ALK: variants seen among roughly 807,000 people sequenced by gnomAD.
ALK encodes the protein ALK tyrosine kinase receptor.
Under a neutral mutation model 163.1 loss-of-function variants are expected in ALK, and 74 were observed. The observed-to-expected ratio is 0.45, with a 90% CI of 0.38 to 0.55. The LOEUF is 0.55. Among genes scored for constraint, ALK ranks in the 20% least tolerant of loss-of-function variants. The pLI, the probability that ALK is intolerant of heterozygous loss-of-function variation, is 0.00. For missense variants in ALK, 2,063 were observed against 2,105.3 expected, an observed-to-expected ratio of 0.98 and a Z score of 0.39; for synonymous variants, 960 against 843.2, an observed-to-expected ratio of 1.14 and a Z score of -2.40.
intron 3 of ALK, among the ~76,000 whole-genome samples, chr2:29,677,967 A>G (rs1336428309): frequency 1.3e-5 from 2 of 152,056 alleles, no homozygotes; most frequent in Non-Finnish European, 2.9e-5. Context: ...TTTACTTGTT[A>G]TAAGTCTATT....
At chr2:29,918,096 C>T (rs966471741) in intron 1 of ALK, among the ~76,000 whole-genome samples, 1 of 152,164 alleles carries the variant, frequency 6.6e-6, no homozygotes, top group African/African-American at 2.4e-5. Context: ...GGAGTATATT[C>T]TTTAAATGAA....
At chr2:29,500,784 G>T (rs1295486739) in intron 4 of ALK, among the ~76,000 whole-genome samples, 1 of 152,002 alleles carries the variant, frequency 6.6e-6, no homozygotes, top group Non-Finnish European at 1.5e-5. Context: ...TCTCCTTCAG[G>T]CTACCAGGAG....
intron 9 of ALK, among the ~76,000 whole-genome samples, chr2:29,285,156 C>T (rs1443372189): frequency 6.6e-6 from 1 of 152,228 alleles, no homozygotes; most frequent in African/African-American, 2.4e-5. Context: ...CACACTGAGG[C>T]TCCAATCACT....
chr2:29,579,547 C>A (rs1674619539), intron 3 of ALK, among the ~76,000 whole-genome samples: 1 of 152,296 alleles, frequency 6.6e-6, no homozygotes, highest in African/African-American at 2.4e-5. Flanking sequence ...TGACAGCCTC[C>A]CAGATGTCCT....
intron 9 of ALK, among the ~76,000 whole-genome samples, chr2:29,287,259 A>G (rs555018339): frequency 6.6e-6 from 1 of 152,338 alleles, no homozygotes; most frequent in African/African-American, 2.4e-5. Context: ...CACATTGTAA[A>G]CCACTAATAT....
At chr2:29,372,012 A>G (rs560051068) in intron 5 of ALK, among the ~76,000 whole-genome samples, 1 of 152,236 alleles carries the variant, frequency 6.6e-6, no homozygotes. Flanking sequence ...TGCAGTTTGC[A>G]TTGGAACTCA....
intron 8 of ALK, among the ~76,000 whole-genome samples, chr2:29,314,629 A>G (rs1326888708): frequency 6.6e-6 from 1 of 152,166 alleles, no homozygotes; most frequent in Non-Finnish European, 1.5e-5. Flanking sequence ...ATCAAATTGC[A>G]CTTCTGTAGC....
intron 4 of ALK, among the ~76,000 whole-genome samples, chr2:29,455,901 C>A (rs1045902689): frequency 6.6e-6 from 1 of 152,124 alleles, no homozygotes; most frequent in African/African-American, 2.4e-5. Context: ...GTGGTTTTCC[C>A]GAGGTCCCTG....
At chr2:29,815,665 A>G (rs913894745) in intron 1 of ALK, among the ~76,000 whole-genome samples, 5 of 152,196 alleles carry the variant, frequency 3.3e-5, no homozygotes, top group African/African-American at 1.2e-4. Context: ...TGACATTATT[A>G]ATTAATGAAG....
chr2:29,891,754 C>A (rs1365160897), intron 1 of ALK, among the ~76,000 whole-genome samples: 2 of 152,172 alleles, frequency 1.3e-5, no homozygotes, highest in Non-Finnish European at 2.9e-5. Flanking sequence ...ACATGCTACC[C>A]AAGCCTAGGA....
chr2:29,408,977 C>T (rs192336114), intron 4 of ALK, among the ~76,000 whole-genome samples: 5 of 152,276 alleles, frequency 3.3e-5, no homozygotes, highest in Admixed American at 6.5e-5. Flanking sequence ...GATTTATTTC[C>T]GTGGCTTTCA....
chr2:29,590,099 G>A (rs1436450821), intron 3 of ALK, among the ~76,000 whole-genome samples: 1 of 152,206 alleles, frequency 6.6e-6, no homozygotes, highest in Non-Finnish European at 1.5e-5. Context: ...TTCTCCACCA[G>A]CCAACACTTG....
intron 1 of ALK, among the ~76,000 whole-genome samples, chr2:29,859,634 T>C (rs557972354): frequency 4.2e-4 from 63 of 151,192 alleles, no homozygotes; most frequent in Non-Finnish European, 7.5e-4. Flanking sequence ...AAAAAATAAA[T>C]AGAAAAAATC....
intron 1 of ALK, among the ~76,000 whole-genome samples, chr2:29,888,245 T>G (rs1667034579): frequency 1.6e-5 from 1 of 63,182 alleles, no homozygotes; most frequent in African/African-American, 5.9e-5. Flanking sequence ...TCCAATAAAT[T>G]GTTTTTTTTT....
Position 29,555,500 on chromosome 2 carries a change from A to G in ALK, c.953-23384T>C, listed in dbSNP as rs114126242. Among the ~76,000 whole-genome samples, 1,104 of 152,146 alleles carry G rather than the reference A, an allele frequency of 7.3e-3. 7 individuals are homozygous for G. The highest frequency in any genetic ancestry group is 0.026 in the African/African-American group (1,060 of 41,510). ...AATTGGGAACAGTCAATCTGTGAGT[A>G]TTTGCTCTGTCCATTTCTGTAAGTG... On this transcript the variant is annotated intron_variant, in intron 3 of 28. Transcript: ENST00000389048.
At chr2:29,221,293 G>T in intron 22 of ALK, 1 of 503,492 alleles carries the variant, frequency 2.0e-6, no homozygotes, top group Non-Finnish European at 4.0e-6. Flanking sequence ...AAAGGGGATG[G>T]CCTCACGAGT....
At position 29,232,296 on chromosome 2, in the gene ALK, C is replaced by A. The variant is rs199653862; in HGVS notation, c.2632+8G>T. The A allele has an allele frequency of 1.2e-6, 2 of 1,614,158 alleles. No homozygotes were observed. Among genetic ancestry groups the A allele is most frequent in the Non-Finnish European group, 1.7e-6 (2 of 1,180,042 alleles). ...GTTCTGGGAGAGGGCACGCTTGCAG[C>A]GCTTTACCTGCGGCTCCGGAATTGC... On this transcript the variant is annotated splice_region_variant and intron_variant, in intron 15 of 28. Coordinates refer to ENST00000389048, the MANE Select transcript of ALK (RefSeq NM_004304.5).
At chr2:29,475,163 C>A (rs543982656) in intron 4 of ALK, among the ~76,000 whole-genome samples, 1 of 152,122 alleles carries the variant, frequency 6.6e-6, no homozygotes, top group South Asian at 2.1e-4. Flanking sequence ...AGAAGAAAGG[C>A]CAAGCAAGGC....
chr2:29,219,903 G>T (rs1045972785), intron 23 of ALK, among the ~76,000 whole-genome samples: 6 of 152,150 alleles, frequency 3.9e-5, no homozygotes, highest in Non-Finnish European at 5.9e-5. Flanking sequence ...CTAAATATAC[G>T]GTTGGAATGT....
Sources: gnomAD v4.1 joint callset for allele counts (sites outside exome capture counted in the v4.1 genomes callset) on GRCh38, gnomAD v4.1.1 for gene constraint, MANE v1.5 for transcripts, NCBI Gene and HGNC (gene_info 2026-07-23, HGNC 2026-07-21) for gene names.